The following SYNPR variants were observed in gnomAD, a reference collection of about 807,000 sequenced individuals.
The protein encoded by SYNPR is synaptoporin.
A neutral mutation model predicts 32.9 loss-of-function variants in SYNPR; 23 were observed. That is an observed-to-expected ratio of 0.70 (90% CI 0.50 to 0.99). The LOEUF is 0.99. Ranked by LOEUF, SYNPR falls within the 50% of genes least tolerant of loss-of-function variation. The probability of loss-of-function intolerance (pLI) is 0.00; values close to 1 mark genes in which losing one functional copy is unlikely to be tolerated. For synonymous variants in SYNPR, 146 were observed against 135.9 expected (o/e 1.07, Z -0.52); for missense variants, 318 against 349.3 (o/e 0.91, Z 0.71).
intron 3 of SYNPR, among the ~76,000 whole-genome samples, chr3:63,536,879 T>G (rs1575698454): frequency 6.6e-6 from 1 of 152,238 alleles, no homozygotes; most frequent in South Asian, 2.1e-4. Context: ...TCCGTTTCTA[T>G]AAAATTTTCA....
At chr3:63,402,447 T>C (rs1350195807) in intron 2 of SYNPR, among the ~76,000 whole-genome samples, 2 of 152,190 alleles carry the variant, frequency 1.3e-5, no homozygotes, top group African/African-American at 4.8e-5. Context: ...AGCAAGTTAG[T>C]ATTTTATAAT....
chr3:63,588,904 G>A (rs367672929), intron 4 of SYNPR, among the ~76,000 whole-genome samples: 1 of 152,086 alleles, frequency 6.6e-6, no homozygotes, highest in South Asian at 2.1e-4. Context: ...AGTATAGAGA[G>A]ACAATAGTCT....
intron 4 of SYNPR, among the ~76,000 whole-genome samples, chr3:63,602,309 G>C (rs575782805): frequency 7.8e-6 from 1 of 128,152 alleles, no homozygotes; most frequent in Non-Finnish European, 1.7e-5. Context: ...TGTTTACTCT[G>C]TTGATAGTTT....
chr3:63,365,517 T>G (rs995627188), intron 2 of SYNPR, among the ~76,000 whole-genome samples: 3 of 152,160 alleles, frequency 2.0e-5, no homozygotes, highest in African/African-American at 7.2e-5. Flanking sequence ...TAATTAGAAG[T>G]TAACACGGGG....
intron 1 of SYNPR, among the ~76,000 whole-genome samples, chr3:63,248,527 T>G (rs2086307884): frequency 6.6e-6 from 1 of 152,132 alleles, no homozygotes; most frequent in Non-Finnish European, 1.5e-5. Context: ...AAATCAGATA[T>G]TTTAGATGCT....
chr3:63,201,902 T>C, the SYNPR span, among the ~76,000 whole-genome samples: 1 of 152,182 alleles, frequency 6.6e-6, no homozygotes, highest in South Asian at 2.1e-4. Context: ...CCCCCCTTTT[T>C]TTCTACTGAA....
intron 2 of SYNPR, among the ~76,000 whole-genome samples, chr3:63,254,634 A>G (rs947644552): frequency 2.0e-5 from 3 of 152,048 alleles, no homozygotes; most frequent in Non-Finnish European, 4.4e-5. Context: ...TATTGTGTAT[A>G]TGATTGGTGG....
chr3:63,407,631 T>C (rs956580315), intron 2 of SYNPR, among the ~76,000 whole-genome samples: 1 of 152,170 alleles, frequency 6.6e-6, no homozygotes, highest in Non-Finnish European at 1.5e-5. Context: ...TTTGTAATCA[T>C]ATATATTTTT....
chr3:63,606,534 C>T (rs905116576), intron 4 of SYNPR, among the ~76,000 whole-genome samples: 24 of 147,766 alleles, frequency 1.6e-4, no homozygotes, highest in Admixed American at 7.6e-4. Context: ...TGGGATCAGG[C>T]GATCTCCCAC....
intron 3 of SYNPR, among the ~76,000 whole-genome samples, chr3:63,481,821 C>A (rs560680144): frequency 6.6e-6 from 1 of 152,150 alleles, no homozygotes; most frequent in East Asian, 1.9e-4. Context: ...GATTAACATG[C>A]AGGATCTAGG....
At chr3:63,418,060 A>G (rs2088564580) in intron 2 of SYNPR, among the ~76,000 whole-genome samples, 2 of 152,132 alleles carry the variant, frequency 1.3e-5, no homozygotes, top group Admixed American at 1.3e-4. Flanking sequence ...TCAGGCTGCA[A>G]ATTTTCCAAA....
intron 2 of SYNPR, among the ~76,000 whole-genome samples, chr3:63,440,034 T>A (rs1286208677): frequency 6.6e-6 from 1 of 152,042 alleles, no homozygotes. Flanking sequence ...CAATAATAAA[T>A]GAACAAATAA....
rs373562371 is a variant in SYNPR, at chr3:63,239,784, T to C, written n.66+11404T>C. Reference sequence around the variant, plus strand: ...ACCCTCATCCTACCATTGTCAAGTATGTCACACACCCATCCTAACATTGTC... The same window carrying C: ...ACCCTCATCCTACCATTGTCAAGTACGTCACACACCCATCCTAACATTGTC... On this transcript the variant is annotated intron_variant and non_coding_transcript_variant, in intron 1 of 4. Transcript: ENST00000478456. Among the ~76,000 whole-genome samples, 12 of 151,818 alleles carry C rather than the reference T, an allele frequency of 7.9e-5. No individual in the cohort carries two copies. In the East Asian group the frequency reaches 1.8e-3, roughly 22 times the overall value.
chr3:63,599,537 T>C (rs752144735), intron 4 of SYNPR, among the ~76,000 whole-genome samples: 32 of 152,194 alleles, frequency 2.1e-4, no homozygotes, highest in Non-Finnish European at 3.5e-4. Context: ...CCATACCACA[T>C]AGCCTAAGCA....
intron 2 of SYNPR, among the ~76,000 whole-genome samples, chr3:63,465,658 T>C (rs1700664316): frequency 6.6e-6 from 1 of 152,142 alleles, no homozygotes; most frequent in Non-Finnish European, 1.5e-5. Context: ...TATACTGTCA[T>C]CCTTACATTC....
chr3:63,603,591 A>G (rs6789796), intron 4 of SYNPR, among the ~76,000 whole-genome samples: 94,613 of 152,018 alleles, frequency 0.62, 29,636 homozygotes, highest in African/African-American at 0.68. Context: ...TTCTGCATCT[A>G]ATGAGATGAT....
chr3:63,258,958 A>T (rs2086413276), intron 2 of SYNPR, among the ~76,000 whole-genome samples: 1 of 152,208 alleles, frequency 6.6e-6, no homozygotes, highest in Admixed American at 6.5e-5. Context: ...TATGCAAATA[A>T]ACTAGAAAAT....
At chr3:63,532,073 TC>T (rs1702122368) in intron 3 of SYNPR, among the ~76,000 whole-genome samples, 2 of 152,236 alleles carry the variant, frequency 1.3e-5, no homozygotes, top group South Asian at 4.1e-4. Context: ...GGCCTTCCAT[TC>T]TTTCCCTTTG....
At chr3:63,503,031 G>C (rs937454413) in intron 3 of SYNPR, among the ~76,000 whole-genome samples, 5 of 152,126 alleles carry the variant, frequency 3.3e-5, no homozygotes, top group African/African-American at 1.2e-4. Context: ...AGTATGTTTA[G>C]TTTGTGTAAG....
Sources: allele counts gnomAD v4.1 joint callset (sites outside exome capture counted in the v4.1 genomes callset), GRCh38; gene constraint gnomAD v4.1.1; transcripts MANE v1.5; gene names NCBI Gene and HGNC (gene_info 2026-07-23, HGNC 2026-07-21).